TEKT3: variants seen among roughly 807,000 people sequenced by gnomAD.
The protein encoded by TEKT3 is tektin-3.
TEKT3 carries 49 observed loss-of-function variants against 49.8 expected under a neutral mutation model. That is an observed-to-expected ratio of 0.98 (90% confidence interval 0.78 to 1.25). TEKT3 has a LOEUF of 1.25. Among genes scored for constraint, TEKT3 ranks in the 50% most tolerant of loss-of-function variants. TEKT3 has a pLI of 0.00. For missense variants in TEKT3, 595 were observed against 629.5 expected, an observed-to-expected ratio of 0.95 and a Z score of 0.59; for synonymous variants, 225 against 237.2, an observed-to-expected ratio of 0.95 and a Z score of 0.47.
intron 4 of TEKT3, among the ~76,000 whole-genome samples, chr17:15,320,047 G>A (rs1911183156): frequency 6.6e-6 from 1 of 152,132 alleles, no homozygotes; most frequent in South Asian, 2.1e-4. Flanking sequence ...CCAAGGTTTT[G>A]ACAAGTACAG....
rs1912155015 is a variant in TEKT3, at chr17:15,340,024, T to C, written c.-30+4A>G. The C allele has an allele frequency of 6.6e-6, 1 of 152,122 alleles. No homozygotes were observed. Among genetic ancestry groups the C allele is most frequent in the Admixed American group, 6.6e-5 (1 of 15,262 alleles). 9.4% of individuals were successfully genotyped at this position (152,122 alleles called of 1,614,324 possible). ...TATCCAGTAAAGTTGAAATGGCAAA[T>C]TACCTGTGACTCAGCAATTCAATTT... On this transcript the variant is annotated splice_donor_region_variant and intron_variant, in intron 2 of 8. Coordinates refer to ENST00000395930, the MANE Select transcript of TEKT3 (RefSeq NM_031898.3).
intron 5 of TEKT3, among the ~76,000 whole-genome samples, chr17:15,315,604 A>AG (rs1250213354): frequency 6.6e-6 from 1 of 151,886 alleles, no homozygotes; most frequent in Non-Finnish European, 1.5e-5. Context: ...AAAAAAAAAA[A>AG]AGAGCTTGAG....
At chr17:15,305,196 C>T (rs1910493216) in intron 8 of TEKT3, among the ~76,000 whole-genome samples, 2 of 152,274 alleles carry the variant, frequency 1.3e-5, no homozygotes, top group East Asian at 3.9e-4. Context: ...AAAGGCAGGA[C>T]GGAGCCTGGA....
rs146019195 is a variant in TEKT3, at chr17:15,314,368, C to G, written c.735-138G>C. On this transcript the variant is annotated intron_variant, in intron 5 of 8. Transcript: ENST00000395930. ...TCCCTCTTCACACAGCGTTCAATTT[C>G]TCAGTCAAAACGAGCACTCTCTGGA... is the stretch of plus-strand genomic sequence containing the variant. 8.8e-6 allele frequency: 11 copies of G among 1,243,238 alleles called. No individual in the cohort carries two copies. In the East Asian group the frequency reaches 2.5e-4, roughly 29 times the overall value. The allele number at this position is 1,243,238 out of a possible 1,614,324, so 77.0% of individuals were successfully genotyped here. A position where few individuals can be genotyped will look rare whatever the true frequency, so the allele number is the denominator to read the frequency against.
chr17:15,310,119 A>G (rs1305940820), intron 7 of TEKT3, among the ~76,000 whole-genome samples: 5 of 152,224 alleles, frequency 3.3e-5, no homozygotes, highest in Admixed American at 3.3e-4. Context: ...TATGTGCTCC[A>G]TGAAACCATC....
At chr17:15,307,003 C>G (rs1433181399) in intron 8 of TEKT3, 1 of 152,156 alleles carries the variant, frequency 6.6e-6, no homozygotes, top group Non-Finnish European at 1.5e-5. Flanking sequence ...CCTGAGTGAT[C>G]TCTTCTGTGG....
intron 5 of TEKT3, 32 bp from the exon 6 acceptor site, chr17:15,314,262 C>G: frequency 1.2e-6 from 2 of 1,613,204 alleles, no homozygotes; most frequent in Non-Finnish European, 1.7e-6. Context: ...TGGAGCTTCA[C>G]ACTCAGGTGA....
At chr17:15,308,081 T>A (rs769725011) in intron 8 of TEKT3, among the ~76,000 whole-genome samples, 1 of 152,156 alleles carries the variant, frequency 6.6e-6, no homozygotes, top group Non-Finnish European at 1.5e-5. Context: ...CTACTGAGAA[T>A]GAAACACATT....
intron 8 of TEKT3, among the ~76,000 whole-genome samples, chr17:15,307,441 G>A (rs1041964475): frequency 3.3e-5 from 5 of 152,216 alleles, no homozygotes; most frequent in Admixed American, 2.0e-4. Context: ...TAATATGAAG[G>A]TAATGAATGA....
intron 3 of TEKT3, among the ~76,000 whole-genome samples, chr17:15,329,107 C>A (rs1597416248): frequency 6.6e-6 from 1 of 152,142 alleles, no homozygotes; most frequent in African/African-American, 2.4e-5. Flanking sequence ...TATGAAAGTG[C>A]CCATTTGCTG....
At chr17:15,318,090 C>A (rs1314860934) in intron 5 of TEKT3, among the ~76,000 whole-genome samples, 3 of 150,994 alleles carry the variant, frequency 2.0e-5, no homozygotes, top group African/African-American at 7.3e-5. Flanking sequence ...CCCAGGTTCA[C>A]GCCATTCTCT....
chr17:15,328,651 T>C (rs888742445), intron 3 of TEKT3, among the ~76,000 whole-genome samples: 1 of 152,206 alleles, frequency 6.6e-6, no homozygotes, highest in Non-Finnish European at 1.5e-5. Flanking sequence ...ACTTTGTTCG[T>C]CTTAACAAGA....
chr17:15,342,859 T>A (rs1719338878), upstream of TEKT3, among the ~76,000 whole-genome samples: 1 of 152,348 alleles, frequency 6.6e-6, no homozygotes, highest in South Asian at 2.1e-4. Context: ...CTGCAAATCC[T>A]GACTAGTTTT....
At chr17:15,323,025 C>A (rs1039757276) in intron 4 of TEKT3, among the ~76,000 whole-genome samples, 1 of 152,204 alleles carries the variant, frequency 6.6e-6, no homozygotes, top group Non-Finnish European at 1.5e-5. Context: ...GGTCCCACAA[C>A]CTGCTTAGAG....
chr17:15,313,061 G>C (rs1489657606), intron 6 of TEKT3, among the ~76,000 whole-genome samples: 1 of 152,114 alleles, frequency 6.6e-6, no homozygotes, highest in African/African-American at 2.4e-5. Flanking sequence ...AGGAAACAAT[G>C]TACCCAAGGA....
At chr17:15,333,165 CT>C (rs1356907768) in intron 2 of TEKT3, among the ~76,000 whole-genome samples, 8 of 152,108 alleles carry the variant, frequency 5.3e-5, no homozygotes, top group Non-Finnish European at 1.2e-4. Context: ...CCACAGACCA[CT>C]ACGTATCTTT....
At chr17:15,334,191 A>C (rs1911894935) in intron 2 of TEKT3, among the ~76,000 whole-genome samples, 2 of 152,124 alleles carry the variant, frequency 1.3e-5, no homozygotes, top group Admixed American at 1.3e-4. Flanking sequence ...TGGAGCTACA[A>C]ACACACACCA....
chr17:15,331,651 T>A, intron 2 of TEKT3, 37 bp from the exon 3 acceptor site: 2 of 1,446,492 alleles, frequency 1.4e-6, no homozygotes, highest in Non-Finnish European at 1.9e-6. Flanking sequence ...GACAGTCACA[T>A]AAAATAATCT....
At chr17:15,308,508 A>G (rs1470470935) in intron 8 of TEKT3, among the ~76,000 whole-genome samples, 156 bp downstream of exon 8, 1 of 152,096 alleles carries the variant, frequency 6.6e-6, no homozygotes, top group East Asian at 1.9e-4. Context: ...CCCACACTGA[A>G]ACTCTTCTGC....
Sources: allele counts gnomAD v4.1 joint callset (sites outside exome capture counted in the v4.1 genomes callset), GRCh38; gene constraint gnomAD v4.1.1; transcripts MANE v1.5; gene names NCBI Gene and HGNC (gene_info 2026-07-23, HGNC 2026-07-21).